CFAP70: variants seen among roughly 807,000 people sequenced by gnomAD.
CFAP70 encodes cilia and flagella associated protein 70.
Under a neutral mutation model 137.6 loss-of-function variants are expected in CFAP70, and 81 were observed. That is an observed-to-expected ratio of 0.59 (90% CI 0.49 to 0.71). The LOEUF (loss-of-function observed/expected upper bound fraction) is 0.71, where lower values mean the gene tolerates loss of function less well. CFAP70 is among the 30% of genes least tolerant of loss of function. The pLI, the probability that CFAP70 is intolerant of heterozygous loss-of-function variation, is 0.00. For missense variants in CFAP70, 976 were observed against 1,226.7 expected (o/e 0.80, Z 3.05); for synonymous variants, 382 against 423.6 (o/e 0.90, Z 1.20).
chr10:73,272,894 C>T, intron 24 of CFAP70, 34 bp downstream of exon 25: 1 of 1,533,020 alleles, frequency 6.5e-7, no homozygotes, highest in East Asian at 2.4e-5. Flanking sequence ...TCAGCTGTAT[C>T]CACAGCCCTA....
At chr10:73,304,150 G>C (rs954139159) in intron 12 of CFAP70, among the ~76,000 whole-genome samples, 1 of 151,844 alleles carries the variant, frequency 6.6e-6, no homozygotes, top group Non-Finnish European at 1.5e-5. Flanking sequence ...TCCACCTCCT[G>C]GGTTCAAGCA....
intron 2 of CFAP70, 115 bp from the exon 3 acceptor site, chr10:73,353,857 C>G: frequency 1.2e-6 from 1 of 864,716 alleles, no homozygotes; most frequent in Non-Finnish European, 1.8e-6. Flanking sequence ...TCCTAACGAG[C>G]AACATCACAA....
chr10:73,262,444 G>C (rs1414492410), intron 25 of CFAP70, among the ~76,000 whole-genome samples: 2 of 152,120 alleles, frequency 1.3e-5, no homozygotes, highest in African/African-American at 4.8e-5. Context: ...TAGCACAAAA[G>C]TAGTGATGCT....
intron 25 of CFAP70, among the ~76,000 whole-genome samples, chr10:73,259,945 TGAGCCTAGAAGGTC>T (rs1442169732): frequency 6.6e-6 from 1 of 151,872 alleles, no homozygotes; most frequent in African/African-American, 2.4e-5. Context: ...TAGGATCATT[TGAGCCTAGAAGGTC>T]GAGGCAGCAA....
chr10:73,323,175 A>C, intron 8 of CFAP70, 78 bp from the exon 10 acceptor site: 1 of 1,363,452 alleles, frequency 7.3e-7, no homozygotes, highest in Non-Finnish European at 9.7e-7. Context: ...TCAGCAGTTC[A>C]AAGGCCTGGT....
chr10:73,343,757 C>A (rs1372964935), intron 5 of CFAP70, among the ~76,000 whole-genome samples: 1 of 151,898 alleles, frequency 6.6e-6, no homozygotes, highest in African/African-American at 2.4e-5. Flanking sequence ...GGTAGGGCAA[C>A]CTTTCATAAA....
At chr10:73,323,087 T>G (rs749496549) in exon 9 of CFAP70, 2 of 1,612,176 alleles carry the variant, frequency 1.2e-6, no homozygotes, top group East Asian at 2.2e-5. Flanking sequence ...AAGCTGAGCT[T>G]CTTCATCAGT....
At chr10:73,316,746 T>C (rs6480694) in intron 9 of CFAP70, among the ~76,000 whole-genome samples, 23,227 of 151,794 alleles carry the variant, frequency 0.15, 2,910 homozygotes, top group African/African-American at 0.32. Flanking sequence ...TATTATCATA[T>C]AAATTAAATC....
intron 8 of CFAP70, among the ~76,000 whole-genome samples, chr10:73,328,995 T>G (rs2051771747): frequency 6.6e-6 from 1 of 150,978 alleles, no homozygotes; most frequent in South Asian, 2.1e-4. Context: ...ACTGGGTATA[T>G]ACCCAAAGGA....
intron 25 of CFAP70, among the ~76,000 whole-genome samples, chr10:73,269,010 T>C (rs2046017992): frequency 6.6e-6 from 1 of 152,116 alleles, no homozygotes; most frequent in Admixed American, 6.5e-5. Context: ...TTTTAAAATG[T>C]TGATATTTGG....
chr10:73,361,001 C>CTT (rs557958831), upstream of CFAP70, among the ~76,000 whole-genome samples: 6 of 141,554 alleles, frequency 4.2e-5, no homozygotes, highest in African/African-American at 1.0e-4. Flanking sequence ...TTACAATTTT[C>CTT]TTTTTTTTTT....
chr10:73,352,632 CTTATGT>C, intron 3 of CFAP70, among the ~76,000 whole-genome samples: 1 of 152,218 alleles, frequency 6.6e-6, no homozygotes, highest in Middle Eastern at 3.4e-3. Flanking sequence ...TTCAGAGTCT[CTTATGT>C]TTGTTTTATA....
At chr10:73,325,872 C>T (rs1377869469) in intron 8 of CFAP70, among the ~76,000 whole-genome samples, 1 of 152,014 alleles carries the variant, frequency 6.6e-6, no homozygotes, top group Non-Finnish European at 1.5e-5. Context: ...ACTTAGACTC[C>T]CACACAATAA....
chr10:73,298,970 C>G, exon 14 of CFAP70: 1 of 1,614,068 alleles, frequency 6.2e-7, no homozygotes, highest in South Asian at 1.1e-5. Flanking sequence ...TGAGCTGGCA[C>G]TTCTGCTCCT....
chr10:73,294,477 C>A (rs938784064), intron 15 of CFAP70: 1 of 152,212 alleles, frequency 6.6e-6, no homozygotes, highest in Non-Finnish European at 1.5e-5. Context: ...AATCTGACTT[C>A]TTCATTCCAA....
intron 25 of CFAP70, among the ~76,000 whole-genome samples, chr10:73,268,550 G>T (rs1197783899): frequency 6.6e-6 from 1 of 152,042 alleles, no homozygotes; most frequent in Non-Finnish European, 1.5e-5. Context: ...ATTTCTAAGA[G>T]AAGTATATTA....
At chr10:73,293,326 T>A in exon 16 of CFAP70, 1 of 1,612,270 alleles carries the variant, frequency 6.2e-7, no homozygotes, top group Non-Finnish European at 8.5e-7. Context: ...ATGCAAAGAG[T>A]TGAAGCTGTT....
chr10:73,348,961 C>T (rs552620808), intron 3 of CFAP70, among the ~76,000 whole-genome samples: 1 of 151,734 alleles, frequency 6.6e-6, no homozygotes, highest in African/African-American at 2.4e-5. Flanking sequence ...ACTCGGGAGA[C>T]CGAGGCAGGA....
rs1400060118 is a variant in CFAP70, at chr10:73,326,133, C to T, written c.778-3036G>A. 4.6e-5 allele frequency among the ~76,000 whole-genome samples: 7 copies of T among 152,010 alleles called. No homozygotes were observed. In the East Asian group the frequency reaches 7.7e-4, roughly 17 times the overall value. ...GTAAAAGAACAGAAATTATAACAACCGTCTCTCAGACCACAGTGCAATCAA... is the reference window on the plus strand; with the variant it reads ...GTAAAAGAACAGAAATTATAACAACTGTCTCTCAGACCACAGTGCAATCAA... On this transcript the variant is annotated intron_variant, in intron 8 of 26. Coordinates refer to ENST00000310715, the Ensembl canonical transcript of CFAP70.
Sources: gnomAD v4.1 joint callset for allele counts (sites outside exome capture counted in the v4.1 genomes callset) on GRCh38, gnomAD v4.1.1 for gene constraint, MANE v1.5 for transcripts, NCBI Gene and HGNC (gene_info 2026-07-23, HGNC 2026-07-21) for gene names.